The following PTPRD variants were observed in gnomAD, a reference collection of about 807,000 sequenced individuals.
PTPRD encodes the protein protein tyrosine phosphatase receptor type D.
A neutral mutation model predicts 214.5 loss-of-function variants in PTPRD; 34 were observed. The observed-to-expected ratio is 0.16, with a 90% CI of 0.12 to 0.21. The LOEUF (loss-of-function observed/expected upper bound fraction) is 0.21. PTPRD is among the 10% of genes least tolerant of loss of function. The pLI, the probability that PTPRD is intolerant of heterozygous loss-of-function variation, is 1.00. For synonymous variants in PTPRD, 1,128 were observed against 845.7 expected (o/e 1.33, Z -5.79); for missense variants, 2,545 against 2,398.7 (o/e 1.06, Z -1.27).
intron 11 of PTPRD, among the ~76,000 whole-genome samples, chr9:8,735,006 C>CT: frequency 6.6e-6 from 1 of 152,200 alleles, no homozygotes; most frequent in South Asian, 2.1e-4. Flanking sequence ...GGAATAGGGC[C>CT]TCCCAAAGGT....
intron 10 of PTPRD, among the ~76,000 whole-genome samples, chr9:9,026,569 T>C (rs971024821): frequency 6.6e-6 from 1 of 151,976 alleles, no homozygotes; most frequent in Non-Finnish European, 1.5e-5. Context: ...TTATTTTCTG[T>C]ATGTTTTGTT....
intron 9 of PTPRD, among the ~76,000 whole-genome samples, chr9:9,377,038 C>T (rs1489076065): frequency 6.6e-6 from 1 of 151,712 alleles, no homozygotes; most frequent in Non-Finnish European, 1.5e-5. Flanking sequence ...CATCATCAAG[C>T]TAAAGGAAGA....
chr9:8,494,730 C>G (rs1222869388), intron 26 of PTPRD, among the ~76,000 whole-genome samples: 1 of 152,186 alleles, frequency 6.6e-6, no homozygotes, highest in African/African-American at 2.4e-5. Flanking sequence ...TAGAGGATAA[C>G]AGACATAACG....
rs187050122 is a variant in PTPRD, at chr9:10,203,648, G to T, written c.-545+137315C>A. Among the ~76,000 whole-genome samples, 16 of 152,170 alleles carry T rather than the reference G, an allele frequency of 1.1e-4. No individual in the cohort carries two copies. In the East Asian group the frequency reaches 3.1e-3, roughly 29 times the overall value. Reference sequence around the variant, plus strand: ...TCCATCATTTATTCCACTATTCCAAGAAATAAAGATCCTTAATTGGGACAA... The same window carrying T: ...TCCATCATTTATTCCACTATTCCAATAAATAAAGATCCTTAATTGGGACAA... On this transcript the variant is annotated intron_variant, in intron 3 of 45. Coordinates refer to ENST00000381196, the MANE Select transcript of PTPRD (RefSeq NM_002839.4).
intron 12 of PTPRD, among the ~76,000 whole-genome samples, chr9:8,732,362 T>C (rs1202338435): frequency 6.6e-6 from 1 of 152,232 alleles, no homozygotes; most frequent in African/African-American, 2.4e-5. Flanking sequence ...AGGGTCTAAA[T>C]GGGCTTTTGC....
intron 12 of PTPRD, among the ~76,000 whole-genome samples, chr9:8,728,839 G>A (rs1413765897): frequency 6.6e-6 from 1 of 152,050 alleles, no homozygotes; most frequent in Non-Finnish European, 1.5e-5. Context: ...AATTAGCCGG[G>A]CATGGTGGCA....
At chr9:8,669,637 CAA>C (rs1298570559) in intron 12 of PTPRD, among the ~76,000 whole-genome samples, 3 of 152,066 alleles carry the variant, frequency 2.0e-5, no homozygotes, top group Non-Finnish European at 4.4e-5. Context: ...CTGGAAGTTT[CAA>C]AGAGAGACAA....
At chr9:10,241,848 G>T (rs1410539583) in intron 3 of PTPRD, among the ~76,000 whole-genome samples, 1 of 151,912 alleles carries the variant, frequency 6.6e-6, no homozygotes. Flanking sequence ...TGTTGTCAAT[G>T]ATACTGCAAT....
At chr9:10,557,721 C>A (rs1185767808) in intron 2 of PTPRD, among the ~76,000 whole-genome samples, 2 of 152,054 alleles carry the variant, frequency 1.3e-5, no homozygotes, top group Admixed American at 6.6e-5. Context: ...TATGGAATTA[C>A]CTTAGAAAAA....
At chr9:10,594,313 C>T (rs1038612630) in intron 2 of PTPRD, among the ~76,000 whole-genome samples, 1 of 151,894 alleles carries the variant, frequency 6.6e-6, no homozygotes, top group African/African-American at 2.4e-5. Flanking sequence ...AATGTTTTTG[C>T]AGTCCTTATT....
intron 5 of PTPRD, among the ~76,000 whole-genome samples, chr9:9,818,123 C>A (rs1448324896): frequency 6.6e-6 from 1 of 152,148 alleles, no homozygotes; most frequent in Non-Finnish European, 1.5e-5. Context: ...CTGAGTATCA[C>A]TGACATGGAG....
chr9:9,362,295 A>G (rs1238384556), intron 9 of PTPRD, among the ~76,000 whole-genome samples: 2 of 151,164 alleles, frequency 1.3e-5, no homozygotes, highest in Admixed American at 1.3e-4. Context: ...TCCCTTTATT[A>G]TAAATAAATA....
chr9:9,837,190 T>A (rs930000204), intron 5 of PTPRD, among the ~76,000 whole-genome samples: 4 of 152,092 alleles, frequency 2.6e-5, no homozygotes, highest in African/African-American at 9.7e-5. Context: ...AGCTCCCAGT[T>A]TGCAAGATAA....
rs1006538083 is a variant in PTPRD at position 8,698,949 on chromosome 9, T to A, written c.64+34831A>T. Among the ~76,000 whole-genome samples the A allele has an allele frequency of 2.6e-5, 4 of 152,088 alleles. No homozygotes were observed. In the East Asian group the frequency reaches 7.7e-4, roughly 29 times the overall value. ...CCCATAATATTATATTATATAATAA[T>A]ATTAGAAGCACTCTCCAGCCACTGG... On this transcript the variant is annotated intron_variant, in intron 12 of 45. Coordinates refer to ENST00000381196, the MANE Select transcript of PTPRD (RefSeq NM_002839.4).
intron 8 of PTPRD, among the ~76,000 whole-genome samples, chr9:9,422,748 C>T (rs148662695): frequency 6.6e-6 from 1 of 152,150 alleles, no homozygotes; most frequent in East Asian, 1.9e-4. Flanking sequence ...GGATTGAGAT[C>T]CTGACGAGAG....
chr9:10,592,057 C>A lies in PTPRD; in HGVS notation c.-600+20341G>T, dbSNP rs148101106. Among the ~76,000 whole-genome samples the A allele has an allele frequency of 2.6e-3, 397 of 152,218 alleles. 3 individuals are homozygous for A. The highest frequency in any genetic ancestry group is 8.9e-3 in the African/African-American group (368 of 41,570). ...ATAAGAGTACTTTGTTGCGCAGCAA[C>A]AGATAAATAACAGAAGGCCTAACCT... On this transcript the variant is annotated intron_variant, in intron 2 of 45. Coordinates refer to ENST00000381196, the MANE Select transcript of PTPRD (RefSeq NM_002839.4).
intron 2 of PTPRD, among the ~76,000 whole-genome samples, chr9:10,467,744 A>C (rs1041226940): frequency 1.3e-5 from 2 of 152,212 alleles, no homozygotes; most frequent in African/African-American, 4.8e-5. Context: ...GGAACAAATA[A>C]AATATAAAAG....
chr9:10,361,721 G>T (rs957264203), intron 2 of PTPRD, among the ~76,000 whole-genome samples: 1 of 152,034 alleles, frequency 6.6e-6, no homozygotes, highest in African/African-American at 2.4e-5. Context: ...ATTCCTGTTA[G>T]GTATTGAATA....
chr9:8,772,328 A>G (rs1599308934), intron 11 of PTPRD, among the ~76,000 whole-genome samples: 1 of 152,022 alleles, frequency 6.6e-6, no homozygotes, highest in East Asian at 1.9e-4. Flanking sequence ...AAGAGCTCCA[A>G]TCTGGGTTTT....
Sources: allele counts gnomAD v4.1 joint callset (sites outside exome capture counted in the v4.1 genomes callset), GRCh38; gene constraint gnomAD v4.1.1; transcripts MANE v1.5; gene names NCBI Gene and HGNC (gene_info 2026-07-23, HGNC 2026-07-21).